SUGP1: variants seen among roughly 807,000 people sequenced by gnomAD.
SUGP1 encodes SURP and G-patch domain containing 1.
Under a neutral mutation model 76.5 loss-of-function variants are expected in SUGP1, and 34 were observed. The ratio of observed to expected loss-of-function variants is 0.44; its 90% confidence interval spans 0.34 to 0.59. The LOEUF is 0.59. Among genes scored for constraint, SUGP1 ranks in the 20% least tolerant of loss-of-function variants. The probability of loss-of-function intolerance (pLI) is 0.01; values close to 1 mark genes in which losing one functional copy is unlikely to be tolerated. For missense variants in SUGP1, 752 were observed against 851.7 expected (o/e 0.88, Z 1.46); for synonymous variants, 326 against 326.2 (o/e 1.00, Z 0.01).
At chr19:19,302,143 G>A in intron 7 of SUGP1, 122 bp downstream of exon 7, 1 of 1,470,034 alleles carries the variant, frequency 6.8e-7, no homozygotes, top group Non-Finnish European at 9.2e-7. Context: ...GAGACTCTTG[G>A]ACCTGCCAGC....
At position 19,310,181 on chromosome 19, in the gene SUGP1, A is replaced by G; in HGVS notation, c.226T>C (p.Ser76Pro). 1 of 1,613,544 alleles carries G rather than the reference A, an allele frequency of 6.2e-7. No individual in the cohort carries two copies. Among genetic ancestry groups the G allele is most frequent in the Non-Finnish European group, 8.5e-7 (1 of 1,179,542 alleles). The change falls in exon 3 of 14, where the codon TCT (serine) becomes CCT (proline). Residue 76 changes from serine (S) to proline (P), a missense_variant. Coordinates refer to ENST00000247001, the MANE Select transcript of SUGP1 (RefSeq NM_172231.4). ...HPGEITNAHN[S>P]SCISNKFAND... ...GCAAACTTGTTGGAAATGCAGGAAG[A>G]GTTGTGTGCATTTGTGATTCTAGAA... is the stretch of plus-strand genomic sequence containing the variant.
chr19:19,282,059 A>G (rs2061102960), intron 8 of SUGP1, among the ~76,000 whole-genome samples: 1 of 152,150 alleles, frequency 6.6e-6, no homozygotes, highest in Non-Finnish European at 1.5e-5. Context: ...GGCTCACTGC[A>G]ACCTCCGCCT....
chr19:19,285,149 G>A (rs1013361000), intron 8 of SUGP1, among the ~76,000 whole-genome samples: 4 of 152,058 alleles, frequency 2.6e-5, no homozygotes, highest in Non-Finnish European at 5.9e-5. Context: ...TTACAGGCGT[G>A]AGCTACCGTG....
At chr19:19,278,857 G>A in intron 10 of SUGP1, 61 bp from the exon 11 acceptor site, 1 of 1,522,302 alleles carries the variant, frequency 6.6e-7, no homozygotes. Context: ...AGCAGGCCTG[G>A]TGGCTCCCAG....
intron 10 of SUGP1, 78 bp from the exon 11 acceptor site, chr19:19,278,874 G>C (rs1193704224): frequency 2.1e-5 from 30 of 1,458,330 alleles, no homozygotes; most frequent in Non-Finnish European, 2.8e-5. Flanking sequence ...CCAGGGCACA[G>C]GTATGAGGCT....
intron 8 of SUGP1, among the ~76,000 whole-genome samples, chr19:19,285,799 A>C (rs747862822): frequency 6.6e-6 from 1 of 151,872 alleles, no homozygotes; most frequent in Non-Finnish European, 1.5e-5. Context: ...TTCAGGCCTC[A>C]AGCGATCCGC....
intron 7 of SUGP1, among the ~76,000 whole-genome samples, chr19:19,298,993 G>A (rs964621252): frequency 1.3e-5 from 2 of 152,160 alleles, no homozygotes; most frequent in African/African-American, 4.8e-5. Context: ...AGAAAGTGGA[G>A]CCCCCCAACA....
At chr19:19,302,809 A>G (rs2146615769) in intron 6 of SUGP1, among the ~76,000 whole-genome samples, 1 of 152,140 alleles carries the variant, frequency 6.6e-6, no homozygotes, top group Non-Finnish European at 1.5e-5. Flanking sequence ...CCTGAACATC[A>G]ATTCCACCCC....
chr19:19,295,605 C>CAAAAA (rs55921805), intron 8 of SUGP1, among the ~76,000 whole-genome samples: 8 of 66,806 alleles, frequency 1.2e-4, no homozygotes, highest in Admixed American at 3.8e-4. Context: ...GACTCCTTCT[C>CAAAAA]AAAAAAAAAA....
chr19:19,309,118 C>T (rs1173852844), intron 3 of SUGP1, among the ~76,000 whole-genome samples: 6 of 152,072 alleles, frequency 3.9e-5, no homozygotes, highest in South Asian at 2.1e-4. Context: ...CCGCCTGTCT[C>T]GGCCTCCCAA....
chr19:19,315,558 C>T (rs1000082428), intron 2 of SUGP1, among the ~76,000 whole-genome samples: 3 of 152,204 alleles, frequency 2.0e-5, no homozygotes, highest in Admixed American at 1.3e-4. Flanking sequence ...AGCTATCATC[C>T]ACCTGCCATC....
intron 2 of SUGP1, among the ~76,000 whole-genome samples, chr19:19,315,749 C>A (rs2061389552): frequency 6.6e-6 from 1 of 152,168 alleles, no homozygotes; most frequent in Non-Finnish European, 1.5e-5. Context: ...TGGGAACACA[C>A]TGCCTTTGTT....
chr19:19,299,526 C>T (rs2061254877), intron 7 of SUGP1, among the ~76,000 whole-genome samples: 1 of 149,034 alleles, frequency 6.7e-6, no homozygotes, highest in Non-Finnish European at 1.5e-5. Flanking sequence ...ACGCCCGCCA[C>T]CACACCCGGC....
intron 8 of SUGP1, among the ~76,000 whole-genome samples, chr19:19,292,746 C>T (rs1356307395): frequency 1.3e-5 from 2 of 152,046 alleles, no homozygotes; most frequent in African/African-American, 2.4e-5. Context: ...CAATAAAATA[C>T]TAGGAAACCA....
At chr19:19,313,219 C>T (rs1323164223) in intron 2 of SUGP1, among the ~76,000 whole-genome samples, 1 of 151,768 alleles carries the variant, frequency 6.6e-6, no homozygotes, top group Non-Finnish European at 1.5e-5. Flanking sequence ...CATGATGAAA[C>T]CCCGTCTCTA....
chr19:19,316,392 G>C (rs2061394203), intron 2 of SUGP1, 30 bp downstream of exon 2: 5 of 1,612,802 alleles, frequency 3.1e-6, no homozygotes, highest in Non-Finnish European at 3.4e-6. Flanking sequence ...CTCACATCCA[G>C]GCCCCATCCA....
intron 1 of SUGP1, among the ~76,000 whole-genome samples, chr19:19,317,809 T>TA (rs71338319): frequency 1.2e-5 from 1 of 84,220 alleles, no homozygotes; most frequent in Non-Finnish European, 2.3e-5. Context: ...CCCCAGTGGC[T>TA]TTTTTTTTTT....
Position 19,297,360 on chromosome 19 carries a change from G to T in SUGP1, c.888-16C>A, listed in dbSNP as rs773829710. 1 of 1,477,254 alleles carries T rather than the reference G, an allele frequency of 6.8e-7. No individual in the cohort carries two copies. 91.5% of individuals were successfully genotyped at this position (1,477,254 alleles called of 1,614,324 possible). ...ATACAGAAAGCTGCAAAGGAGAGTTGGGGGGTGCAGTGTCAGCTGGGCCCG... is the reference window on the plus strand; with the variant it reads ...ATACAGAAAGCTGCAAAGGAGAGTTTGGGGGTGCAGTGTCAGCTGGGCCCG... On this transcript the variant is annotated splice_polypyrimidine_tract_variant and intron_variant, in intron 7 of 13. Coordinates refer to ENST00000247001, the MANE Select transcript of SUGP1 (RefSeq NM_172231.4).
chr19:19,299,019 G>A (rs773336078), intron 7 of SUGP1, among the ~76,000 whole-genome samples: 2 of 152,172 alleles, frequency 1.3e-5, no homozygotes, highest in African/African-American at 2.4e-5. Context: ...TCTAGAACAC[G>A]GCTGGGTGCA....
Sources: allele counts gnomAD v4.1 joint callset (sites outside exome capture counted in the v4.1 genomes callset), GRCh38; gene constraint gnomAD v4.1.1; transcripts MANE v1.5; gene names NCBI Gene and HGNC (gene_info 2026-07-23, HGNC 2026-07-21).